LRRC53: variants seen among roughly 807,000 people sequenced by gnomAD.
LRRC53 encodes the protein leucine rich repeat containing 53, also known as leucine-rich repeat-containing protein 53.
Under a neutral mutation model 13.6 loss-of-function variants are expected in LRRC53, and 25 were observed. The observed-to-expected ratio is 1.83, with a 90% CI of 1.34 to 2.56. The LOEUF (loss-of-function observed/expected upper bound fraction) is 2.56. Ranked by LOEUF, LRRC53 falls within the 30% of genes most tolerant of loss-of-function variation. The pLI is 0.00. For missense variants in LRRC53, 527 were observed against 275.8 expected (o/e 1.91, Z -6.45); for synonymous variants, 204 against 109.8 (o/e 1.86, Z -5.37).
the LRRC53 span, among the ~76,000 whole-genome samples, chr1:74,536,320 T>A: frequency 5.3e-5 from 8 of 152,328 alleles, no homozygotes; most frequent in East Asian, 1.5e-3. Flanking sequence ...ATGGCCTAAA[T>A]GGCATGCACA....
chr1:74,512,173 G>T (rs1670261611), intron 1 of LRRC53, among the ~76,000 whole-genome samples: 1 of 152,122 alleles, frequency 6.6e-6, no homozygotes, highest in Non-Finnish European at 1.5e-5. Flanking sequence ...AACCTGTGAG[G>T]GACCATAAAG....
chr1:74,491,509 G>A (rs1039969864), intron 1 of LRRC53, among the ~76,000 whole-genome samples: 2 of 152,242 alleles, frequency 1.3e-5, no homozygotes, highest in Non-Finnish European at 2.9e-5. Context: ...CAAAGTGCTG[G>A]GATTACAGGT....
chr1:74,536,721 TATC>T, the LRRC53 span, among the ~76,000 whole-genome samples: 1 of 152,210 alleles, frequency 6.6e-6, no homozygotes, highest in African/African-American at 2.4e-5. Context: ...CTATGATATA[TATC>T]ATCATCTTTT....
intron 1 of LRRC53, among the ~76,000 whole-genome samples, chr1:74,506,015 G>A (rs1407260312): frequency 1.3e-5 from 2 of 152,142 alleles, no homozygotes; most frequent in East Asian, 1.9e-4. Flanking sequence ...GCCTTCATCA[G>A]TCTCTTATTT....
Position 74,474,688 on chromosome 1 carries a change from A to G in LRRC53, c.1420+607T>C, listed in dbSNP as rs150759457. ...TTTAATTCATTGCCTTCACCTAAAT[A>G]TTGACATCGCCCATGTACAGTGGGT... On this transcript the variant is annotated intron_variant, in intron 4 of 4. Coordinates refer to ENST00000294635, the MANE Select transcript of LRRC53 (RefSeq NM_001382280.1). Among the ~76,000 whole-genome samples the G allele has an allele frequency of 9.2e-5, 14 of 152,276 alleles. No individual in the cohort carries two copies. The East Asian group carries it at 2.5e-3, about 27-fold the overall frequency.
intron 1 of LRRC53, among the ~76,000 whole-genome samples, chr1:74,512,021 G>A (rs1040071): frequency 0.029 from 4,399 of 152,262 alleles, 95 homozygotes; most frequent in Middle Eastern, 0.085. Flanking sequence ...GAAGAGGGCA[G>A]CTTTCCTTCA....
chr1:74,515,676 A>G (rs72675345), upstream of LRRC53, among the ~76,000 whole-genome samples: 1,468 of 152,288 alleles, frequency 9.6e-3, 14 homozygotes, highest in Middle Eastern at 0.02. Context: ...TGAGGTGGGC[A>G]GACACAACAG....
chr1:74,524,441 T>A, the LRRC53 span, among the ~76,000 whole-genome samples: 1 of 152,146 alleles, frequency 6.6e-6, no homozygotes, highest in Non-Finnish European at 1.5e-5. Flanking sequence ...CTAGAGTATG[T>A]AGGGCCAACT....
chr1:74,515,274 C>A (rs143397913), upstream of LRRC53, among the ~76,000 whole-genome samples: 346 of 152,288 alleles, frequency 2.3e-3, 1 homozygote, highest in African/African-American at 7.6e-3. Flanking sequence ...AAACTCCAGA[C>A]TGAATGTTAG....
intron 4 of LRRC53, among the ~76,000 whole-genome samples, chr1:74,475,045 A>T (rs1668121180): frequency 6.6e-6 from 1 of 151,240 alleles, no homozygotes; most frequent in Non-Finnish European, 1.5e-5. Context: ...TGGGCCTCAA[A>T]ATTTACTTTT....
At chr1:74,511,093 G>A (rs1171725026) in intron 1 of LRRC53, among the ~76,000 whole-genome samples, 7 of 152,108 alleles carry the variant, frequency 4.6e-5, no homozygotes, top group Non-Finnish European at 1.0e-4. Flanking sequence ...TCACCATGTT[G>A]GCCAGGCTGG....
At position 74,480,889 on chromosome 1, in the gene LRRC53, C is replaced by A; in HGVS notation, c.168G>T (p.Leu56Phe). 1 of 717,384 alleles carries A rather than the reference C, an allele frequency of 1.4e-6. No individual in the cohort carries two copies. The highest frequency in any genetic ancestry group is 2.6e-6 in the Non-Finnish European group (1 of 385,086). 44.4% of individuals were successfully genotyped at this position (717,384 alleles called of 1,614,324 possible). A position where few individuals can be genotyped will look rare whatever the true frequency, so the allele number is the denominator to read the frequency against. The stretch of plus-strand genomic sequence containing the variant: ...TTAGGGAGAGCAGGGCAAGATTAAA[C>A]AAGAGAGACAGGTTTGTGCTCTCAA... ...SSIESTNLSL[L>F]FNLALLSLSR... Residue 56 changes from leucine to phenylalanine, a missense_variant, in exon 3 of 5, where the codon TTG (leucine) becomes TTT (phenylalanine). Physicochemically the swap from Leu to Phe is conservative, Grantham distance 22. Coordinates refer to ENST00000294635, the MANE Select transcript of LRRC53 (RefSeq NM_001382280.1).
intron 1 of LRRC53, among the ~76,000 whole-genome samples, chr1:74,484,738 GGTT>G (rs1164009829): frequency 6.6e-6 from 1 of 152,092 alleles, no homozygotes; most frequent in Non-Finnish European, 1.5e-5. Flanking sequence ...CATAGGAGCA[GGTT>G]GTTGTATACC....
chr1:74,476,187 A>G (rs535124733), intron 3 of LRRC53, among the ~76,000 whole-genome samples: 1 of 152,128 alleles, frequency 6.6e-6, no homozygotes, highest in Non-Finnish European at 1.5e-5. Flanking sequence ...TTCTAATCTC[A>G]GACTGCCTGG....
chr1:74,485,039 T>C (rs1570684480), intron 1 of LRRC53, among the ~76,000 whole-genome samples: 1 of 152,186 alleles, frequency 6.6e-6, no homozygotes, highest in East Asian at 1.9e-4. Context: ...TTTGAGCTCA[T>C]TTAACCTGTC....
intron 4 of LRRC53, 53 bp downstream of exon 4, chr1:74,475,242 T>G: frequency 1.6e-6 from 1 of 614,408 alleles, no homozygotes; most frequent in South Asian, 2.1e-5. Flanking sequence ...GGAGGCTCCC[T>G]CCTTCAAAAA....
chr1:74,481,704 A>T lies in LRRC53; in HGVS notation c.89-736T>A, dbSNP rs563931229. Among the ~76,000 whole-genome samples, 8 of 152,298 alleles carry T rather than the reference A, an allele frequency of 5.3e-5. No homozygotes were observed. The South Asian group carries it at 1.5e-3, about 28-fold the overall frequency. ...AATCCCTTCACCATAATCACCTCAG[A>T]GCTATCACTGCTCTGTCATTAGAAA... On this transcript the variant is annotated intron_variant, in intron 2 of 4. Transcript: ENST00000294635.
intron 1 of LRRC53, among the ~76,000 whole-genome samples, chr1:74,497,313 A>G (rs1669378031): frequency 6.6e-6 from 1 of 152,030 alleles, no homozygotes; most frequent in African/African-American, 2.4e-5. Context: ...TCATCACCCC[A>G]GGTCAAATAC....
At chr1:74,484,923 G>A (rs994804846) in intron 1 of LRRC53, among the ~76,000 whole-genome samples, 5 of 152,110 alleles carry the variant, frequency 3.3e-5, no homozygotes, top group African/African-American at 1.2e-4. Context: ...AAAATAGGAG[G>A]CAATTGTAGT....
Sources: allele counts gnomAD v4.1 joint callset (sites outside exome capture counted in the v4.1 genomes callset), GRCh38; gene constraint gnomAD v4.1.1; transcripts MANE v1.5; gene names NCBI Gene and HGNC (gene_info 2026-07-23, HGNC 2026-07-21).